COPG2: variants seen among roughly 807,000 people sequenced by gnomAD.
COPG2 encodes the protein coat protein complex I subunit gamma 2, also known as coatomer subunit gamma-2.
Under a neutral mutation model 46.3 loss-of-function variants are expected in COPG2, and 37 were observed. The observed-to-expected ratio is 0.80, with a 90% CI of 0.61 to 1.05. The LOEUF is 1.05. Ranked by LOEUF, COPG2 falls within the 50% of genes least tolerant of loss-of-function variation. The pLI is 0.00. For missense variants in COPG2, 427 were observed against 387.8 expected (o/e 1.10, Z -0.85); for synonymous variants, 159 against 129.7 (o/e 1.23, Z -1.53).
intron 17 of COPG2, among the ~76,000 whole-genome samples, 183 bp downstream of exon 17, chr7:130,550,341 G>T (rs2116385575): frequency 7.0e-6 from 1 of 142,814 alleles, no homozygotes; most frequent in African/African-American, 2.6e-5. Flanking sequence ...AACCCGGGAG[G>T]TAGAGGTTGC....
At chr7:130,552,865 A>C (rs1309709944) in intron 14 of COPG2, among the ~76,000 whole-genome samples, 5 of 152,226 alleles carry the variant, frequency 3.3e-5, no homozygotes, top group African/African-American at 1.2e-4. Flanking sequence ...CAGATAAAAG[A>C]CATGTCCCTG....
chr7:130,509,341 TAA>T (rs782379696), intron 20 of COPG2: 3 of 493,408 alleles, frequency 6.1e-6, no homozygotes, highest in Non-Finnish European at 1.2e-5. Flanking sequence ...GAAGTCTTTA[TAA>T]AAAGTAAAGA....
At chr7:130,613,802 G>T (rs1794900081) in intron 6 of COPG2, among the ~76,000 whole-genome samples, 166 bp from the exon 7 acceptor site, 1 of 152,188 alleles carries the variant, frequency 6.6e-6, no homozygotes, top group Non-Finnish European at 1.5e-5. Flanking sequence ...CCAAAGGGCA[G>T]AACCCAAACA....
At chr7:130,579,572 C>A (rs1477211201) in intron 9 of COPG2, among the ~76,000 whole-genome samples, 29 of 151,972 alleles carry the variant, frequency 1.9e-4, no homozygotes, top group African/African-American at 5.8e-4. Flanking sequence ...TAAAGAGTCA[C>A]GACCCATCAG....
intron 9 of COPG2, among the ~76,000 whole-genome samples, chr7:130,609,754 C>G (rs1794805460): frequency 6.6e-6 from 1 of 152,122 alleles, no homozygotes; most frequent in Non-Finnish European, 1.5e-5. Flanking sequence ...TTTAAGTTCT[C>G]TAATCTTTTT....
At chr7:130,609,362 A>G (rs1256156103) in intron 9 of COPG2, among the ~76,000 whole-genome samples, 3 of 152,142 alleles carry the variant, frequency 2.0e-5, no homozygotes, top group Non-Finnish European at 4.4e-5. Context: ...TGATGGTTTT[A>G]AAAATGGGAG....
In COPG2 at chr7:130,612,152, C is replaced by G; in HGVS notation, c.579G>C (p.Gln193His). ...EAASSDNIMV[Q>H]YHALGVLYHL... ...AGCTAATGTGATTCAATGACAATAC[C>G]TGGACCATAATATTATCACTTGATG... The change falls in exon 8 of 24, where the codon CAG becomes CAC. Residue 193 changes from glutamine to histidine, a missense_variant and splice_region_variant. Gln to His is a conservative substitution (Grantham distance 24). Coordinates refer to ENST00000425248, the MANE Select transcript of COPG2 (RefSeq NM_012133.6). The G allele has an allele frequency of 1.2e-6, 2 of 1,601,472 alleles. No homozygotes were observed. Among genetic ancestry groups the G allele is most frequent in the African/African-American group, 1.3e-5 (1 of 74,722 alleles).
At chr7:130,555,880 G>C (rs1793615332) in intron 12 of COPG2, among the ~76,000 whole-genome samples, 1 of 152,136 alleles carries the variant, frequency 6.6e-6, no homozygotes, top group Non-Finnish European at 1.5e-5. Flanking sequence ...GTGTCAAGAT[G>C]TGTGAAGAAC....
At chr7:130,517,266 A>G (rs1364621567) in intron 20 of COPG2, among the ~76,000 whole-genome samples, 1 of 152,204 alleles carries the variant, frequency 6.6e-6, no homozygotes, top group African/African-American at 2.4e-5. Flanking sequence ...GGACCATCGT[A>G]TAAAACAGAC....
At chr7:130,520,608 G>C (rs1431181275) in intron 20 of COPG2, among the ~76,000 whole-genome samples, 1 of 152,174 alleles carries the variant, frequency 6.6e-6, no homozygotes, top group African/African-American at 2.4e-5. Flanking sequence ...GCCTACTTGA[G>C]ATAGCATATT....
chr7:130,634,817 G>A (rs1443839334), intron 5 of COPG2, among the ~76,000 whole-genome samples: 5 of 152,004 alleles, frequency 3.3e-5, no homozygotes, highest in Non-Finnish European at 5.9e-5. Context: ...GCCAGCTTTT[G>A]CCCATTCAGT....
At chr7:130,631,172 C>CTTTTTT (rs55966949) in intron 5 of COPG2, among the ~76,000 whole-genome samples, 23 of 102,334 alleles carry the variant, frequency 2.2e-4, no homozygotes, top group Non-Finnish European at 2.7e-4. Context: ...TTTTTCTTTT[C>CTTTTTT]TTTTTTTTTT....
intron 9 of COPG2, chr7:130,603,721 C>CAAA (rs782190006): frequency 5.3e-3 from 1,080 of 202,032 alleles, no homozygotes; most frequent in East Asian, 7.6e-3. Flanking sequence ...AACTCAGTCT[C>CAAA]AAAAAAAAAA....
At chr7:130,609,893 G>A (rs1794809222) in intron 9 of COPG2, among the ~76,000 whole-genome samples, 1 of 151,784 alleles carries the variant, frequency 6.6e-6, no homozygotes, top group South Asian at 2.1e-4. Context: ...TACACATTTT[G>A]TCCATCTTTT....
At chr7:130,549,755 A>G (rs1215106658) in intron 17 of COPG2, among the ~76,000 whole-genome samples, 1 of 152,234 alleles carries the variant, frequency 6.6e-6, no homozygotes, top group Non-Finnish European at 1.5e-5. Flanking sequence ...GTTTCTTCCC[A>G]GTTTTGTGTT....
intron 9 of COPG2, among the ~76,000 whole-genome samples, chr7:130,581,526 G>C (rs1168904346): frequency 6.9e-6 from 1 of 145,190 alleles, no homozygotes; most frequent in Non-Finnish European, 1.5e-5. Context: ...GAAATAAAGG[G>C]TATTCAATTA....
At chr7:130,601,886 A>AG (rs1475446202) in intron 9 of COPG2, among the ~76,000 whole-genome samples, 2 of 144,462 alleles carry the variant, frequency 1.4e-5, no homozygotes, top group African/African-American at 5.0e-5. Flanking sequence ...AAGGAAGCAA[A>AG]GAAGGAAGGA....
intron 17 of COPG2, 102 bp downstream of exon 17, chr7:130,550,411 CAAAAAAAAAAA>C (rs1158918044): frequency 9.7e-6 from 1 of 103,012 alleles, no homozygotes; most frequent in Non-Finnish European, 1.6e-5. Context: ...GACTCTATCT[CAAAAAAAAAAA>C]AAAAAAAAAA....
At chr7:130,582,573 G>A (rs1412633374) in intron 9 of COPG2, among the ~76,000 whole-genome samples, 18 of 151,172 alleles carry the variant, frequency 1.2e-4, no homozygotes, top group Non-Finnish European at 1.6e-4. Flanking sequence ...CTACAAAATG[G>A]GAGAAAATTT....
Sources: gnomAD v4.1 joint callset for allele counts (sites outside exome capture counted in the v4.1 genomes callset) on GRCh38, gnomAD v4.1.1 for gene constraint, MANE v1.5 for transcripts, NCBI Gene and HGNC (gene_info 2026-07-23, HGNC 2026-07-21) for gene names.